MITF: variants seen among roughly 807,000 people sequenced by gnomAD.
The protein encoded by MITF is melanocyte inducing transcription factor.
Under a neutral mutation model 60.5 loss-of-function variants are expected in MITF, and 17 were observed. That is an observed-to-expected ratio of 0.28 (90% CI 0.19 to 0.42). The LOEUF (loss-of-function observed/expected upper bound fraction) is 0.42, where lower values mean the gene tolerates loss of function less well. MITF is among the 10% of genes least tolerant of loss of function. The probability of loss-of-function intolerance (pLI) is 1.00; values close to 1 mark genes in which losing one functional copy is unlikely to be tolerated. For missense variants in MITF, 622 were observed against 683.5 expected, an observed-to-expected ratio of 0.91 and a Z score of 1.00; for synonymous variants, 260 against 248.5, an observed-to-expected ratio of 1.05 and a Z score of -0.43.
At chr3:69,780,875 G>A (rs2062552009) in intron 1 of MITF, among the ~76,000 whole-genome samples, 1 of 152,166 alleles carries the variant, frequency 6.6e-6, no homozygotes, top group African/African-American at 2.4e-5. Context: ...GATTCACTGT[G>A]GGAAGGGACT....
At chr3:69,804,941 A>G (rs2062981819) in intron 1 of MITF, among the ~76,000 whole-genome samples, 2 of 152,248 alleles carry the variant, frequency 1.3e-5, no homozygotes. Flanking sequence ...GATAGAGGGC[A>G]CAGCTCTTTC....
chr3:69,777,378 G>T (rs1355456539), intron 1 of MITF, among the ~76,000 whole-genome samples: 1 of 152,126 alleles, frequency 6.6e-6, no homozygotes, highest in Non-Finnish European at 1.5e-5. Flanking sequence ...TTGGGTCATT[G>T]TTGCTACAAT....
intron 1 of MITF, among the ~76,000 whole-genome samples, chr3:69,821,335 T>C (rs1447369754): frequency 2.6e-5 from 4 of 152,144 alleles, no homozygotes; most frequent in Non-Finnish European, 5.9e-5. Flanking sequence ...TCTCAGCTTT[T>C]AGAGACATTG....
chr3:69,867,405 G>C (rs1052724955), intron 1 of MITF, among the ~76,000 whole-genome samples: 3 of 151,996 alleles, frequency 2.0e-5, no homozygotes, highest in Non-Finnish European at 4.4e-5. Context: ...TCTTTAAAAG[G>C]TCTTATAAAA....
intron 8 of MITF, among the ~76,000 whole-genome samples, chr3:69,958,859 A>G (rs776021591): frequency 1.2e-4 from 19 of 152,180 alleles, no homozygotes; most frequent in Non-Finnish European, 2.5e-4. Context: ...GTCTGGGTTA[A>G]GTAAGACAAT....
chr3:69,940,754 C>G (rs898665410), intron 4 of MITF, among the ~76,000 whole-genome samples: 14 of 152,304 alleles, frequency 9.2e-5, no homozygotes, highest in African/African-American at 2.6e-4. Context: ...AGTAGAATGA[C>G]AGCTGTCATT....
rs201351378 is a variant in MITF at position 69,964,926 on chromosome 3, G to A, written c.1259G>A (p.Arg420Gln). 6.9e-5 allele frequency: 112 copies of A among 1,613,852 alleles called. No individual in the cohort carries two copies. Among genetic ancestry groups the A allele is most frequent in the Non-Finnish European group, 9.0e-5 (106 of 1,180,002 alleles). Residue 420 changes from arginine to glutamine, a missense_variant, in exon 10 of 10, where the codon CGG becomes CAG. This residue lies in a region of MITF where 224 missense variants were observed against 209.5 expected (regional missense o/e 1.07). Coordinates refer to ENST00000352241, the MANE Select transcript of MITF (RefSeq NM_001354604.2). ...TGLCSPDLVN[R>Q]IIKQEPVLEN... Reference sequence around the variant, plus strand: ...CTCTGCTCTCCAGATTTGGTGAATCGGATCATCAAGCAAGAACCCGTTCTT... The same window carrying A: ...CTCTGCTCTCCAGATTTGGTGAATCAGATCATCAAGCAAGAACCCGTTCTT...
At chr3:69,750,725 A>T (rs756262764) in intron 1 of MITF, among the ~76,000 whole-genome samples, 101 of 152,050 alleles carry the variant, frequency 6.6e-4, no homozygotes, top group Non-Finnish European at 1.3e-3. Context: ...CATGTTTCTA[A>T]GTGATGCTGA....
At chr3:69,917,363 A>G (rs960141427) in intron 2 of MITF, among the ~76,000 whole-genome samples, 1 of 145,422 alleles carries the variant, frequency 6.9e-6, no homozygotes, top group African/African-American at 2.5e-5. Context: ...ATTTGACTTG[A>G]TACAGTTGCC....
chr3:69,752,798 T>C (rs1210570462), intron 1 of MITF, among the ~76,000 whole-genome samples: 1 of 152,126 alleles, frequency 6.6e-6, no homozygotes, highest in Non-Finnish European at 1.5e-5. Flanking sequence ...TGAGATCTGG[T>C]CATTTAAAAG....
At chr3:69,926,216 C>T (rs2065582968) in intron 2 of MITF, among the ~76,000 whole-genome samples, 1 of 152,174 alleles carries the variant, frequency 6.6e-6, no homozygotes, top group South Asian at 2.1e-4. Context: ...ATCTATAAGG[C>T]AAGTTTTAAG....
chr3:69,864,454 T>C (rs1454712754), intron 1 of MITF, among the ~76,000 whole-genome samples: 1 of 152,242 alleles, frequency 6.6e-6, no homozygotes, highest in Non-Finnish European at 1.5e-5. Context: ...TATTGGTCCT[T>C]AGTTTTACGA....
intron 2 of MITF, among the ~76,000 whole-genome samples, chr3:69,886,620 C>A (rs997793880): frequency 6.6e-6 from 1 of 152,066 alleles, no homozygotes; most frequent in Non-Finnish European, 1.5e-5. Flanking sequence ...ACAGGCTTAA[C>A]AGAAAGATAC....
At position 69,784,616 on chromosome 3, in the gene MITF, C is replaced by T. The variant is rs2062618997; in HGVS notation, c.104+44915C>T. 4.6e-5 allele frequency among the ~76,000 whole-genome samples: 7 copies of T among 152,218 alleles called. 2 individuals carry two copies. In the South Asian group the frequency reaches 1.4e-3, roughly 32 times the overall value. The stretch of plus-strand genomic sequence containing the variant: ...GTAAATTCCCTCCCTCCTTCCCCCT[C>T]CCCCATATTAGAGAAATTACTTTTT... On this transcript the variant is annotated intron_variant, in intron 1 of 9. Transcript: ENST00000352241.
intron 2 of MITF, 142 bp downstream of exon 2, chr3:69,879,525 C>G (rs1353087087): frequency 7.1e-7 from 1 of 1,414,788 alleles, no homozygotes; most frequent in Non-Finnish European, 9.6e-7. Context: ...TTAATTCTTA[C>G]GTGGCTTTAT....
intron 1 of MITF, among the ~76,000 whole-genome samples, chr3:69,751,553 AT>A (rs35447609): frequency 0.47 from 57,130 of 122,692 alleles, 12,210 homozygotes; most frequent in Non-Finnish European, 0.56. Context: ...AAGCATTTTG[AT>A]TTTTTTTTTT....
intron 1 of MITF, among the ~76,000 whole-genome samples, chr3:69,835,942 T>A (rs573040771): frequency 1.1e-4 from 16 of 152,316 alleles, no homozygotes; most frequent in African/African-American, 3.8e-4. Flanking sequence ...TCAGAATTGC[T>A]TTAGCTATTC....
intron 2 of MITF, among the ~76,000 whole-genome samples, chr3:69,894,428 G>C (rs2064828122): frequency 6.6e-6 from 1 of 152,192 alleles, no homozygotes; most frequent in South Asian, 2.1e-4. Flanking sequence ...GCTCACGCCT[G>C]TAACCCCAGT....
At chr3:69,858,292 T>A (rs1371045856) in intron 1 of MITF, among the ~76,000 whole-genome samples, 2 of 152,170 alleles carry the variant, frequency 1.3e-5, no homozygotes, top group South Asian at 4.1e-4. Context: ...TTATGATTAA[T>A]CAACAGACAG....
Sources: allele counts gnomAD v4.1 joint callset (sites outside exome capture counted in the v4.1 genomes callset), GRCh38; gene constraint gnomAD v4.1.1; regional missense constraint gnomAD v4.1.1; transcripts MANE v1.5; gene names NCBI Gene and HGNC (gene_info 2026-07-23, HGNC 2026-07-21).